SEMA3E: variants seen among roughly 807,000 people sequenced by gnomAD.
SEMA3E encodes the protein semaphorin 3E, also known as semaphorin-3E.
SEMA3E carries 49 observed loss-of-function variants against 93.6 expected under a neutral mutation model. The observed-to-expected ratio is 0.52, with a 90% CI of 0.42 to 0.66. The LOEUF (loss-of-function observed/expected upper bound fraction) is 0.66. Among genes scored for constraint, SEMA3E ranks in the 30% least tolerant of loss-of-function variants. The pLI, the probability that SEMA3E is intolerant of heterozygous loss-of-function variation, is 0.00. For synonymous variants in SEMA3E, 363 were observed against 330.7 expected, an observed-to-expected ratio of 1.10 and a Z score of -1.06; for missense variants, 906 against 964.8, an observed-to-expected ratio of 0.94 and a Z score of 0.81.
chr7:83,523,189 C>A (rs1791084146), intron 1 of SEMA3E, among the ~76,000 whole-genome samples: 1 of 152,040 alleles, frequency 6.6e-6, no homozygotes, highest in Non-Finnish European at 1.5e-5. Context: ...GGTGATTCTG[C>A]CCCTTATTAT....
chr7:83,427,781 A>G (rs1481072476), intron 4 of SEMA3E, among the ~76,000 whole-genome samples: 1 of 152,176 alleles, frequency 6.6e-6, no homozygotes, highest in Non-Finnish European at 1.5e-5. Flanking sequence ...CCATGATGAC[A>G]TTTTCAGTGA....
intron 1 of SEMA3E, among the ~76,000 whole-genome samples, chr7:83,508,020 A>C (rs1479527660): frequency 6.6e-6 from 1 of 152,106 alleles, no homozygotes; most frequent in Non-Finnish European, 1.5e-5. Flanking sequence ...TAGTACTAAA[A>C]ATAATATAAA....
chr7:83,369,001 TAAAGA>T lies in SEMA3E; in HGVS notation c.1876-968_1876-964del, dbSNP rs558491919. Among the ~76,000 whole-genome samples the T allele has an allele frequency of 3.3e-4, 50 of 152,278 alleles. No individual in the cohort carries two copies. In the South Asian group the frequency reaches 8.5e-3, roughly 26 times the overall value. ...TAACCTGAAAAATTGTTGTGAAGATTAAAGAAAATAGGTGAGGATTTTTTGCACAG... is the reference window on the plus strand; with the variant it reads ...TAACCTGAAAAATTGTTGTGAAGATTAAATAGGTGAGGATTTTTTGCACAG... On this transcript the variant is annotated intron_variant, in intron 16 of 16. Coordinates refer to ENST00000643230, the MANE Select transcript of SEMA3E (RefSeq NM_012431.3).
chr7:83,499,261 G>A (rs1198373712), intron 1 of SEMA3E, among the ~76,000 whole-genome samples: 4 of 152,088 alleles, frequency 2.6e-5, no homozygotes, highest in Non-Finnish European at 4.4e-5. Flanking sequence ...TGGAATTACC[G>A]GGTCAAAAGC....
intron 1 of SEMA3E, among the ~76,000 whole-genome samples, chr7:83,633,454 A>G (rs969690201): frequency 1.3e-5 from 2 of 152,230 alleles, no homozygotes; most frequent in Admixed American, 1.3e-4. Flanking sequence ...ATTGGAAAAA[A>G]ATTAGCAATG....
rs559211543 is a variant in SEMA3E, at chr7:83,516,197, A to AT, written c.116-25924dup. 4.0e-3 allele frequency among the ~76,000 whole-genome samples: 615 copies of AT among 152,262 alleles called. 4 individuals carry two copies. The highest frequency in any genetic ancestry group is 0.014 in the African/African-American group (577 of 41,556). The stretch of plus-strand genomic sequence containing the variant: ...AGTTTTATTCATTAATTTAATATGT[A>AT]TTTTTATATACTGGACTAATTTCTG... On this transcript the variant is annotated intron_variant, in intron 1 of 16. Coordinates refer to ENST00000643230, the MANE Select transcript of SEMA3E (RefSeq NM_012431.3).
intron 1 of SEMA3E, among the ~76,000 whole-genome samples, chr7:83,541,174 T>C (rs1222993158): frequency 6.6e-6 from 1 of 152,128 alleles, no homozygotes; most frequent in Non-Finnish European, 1.5e-5. Flanking sequence ...ACTAAGAATA[T>C]AGATGACTTT....
intron 5 of SEMA3E, 50 bp from the exon 6 acceptor site, chr7:83,408,537 A>G: frequency 1.3e-6 from 2 of 1,576,674 alleles, no homozygotes; most frequent in Middle Eastern, 1.7e-4. Context: ...TAATATGTTA[A>G]CAAATTAAAC....
At chr7:83,573,700 C>T (rs940804477) in intron 1 of SEMA3E, among the ~76,000 whole-genome samples, 1 of 151,890 alleles carries the variant, frequency 6.6e-6, no homozygotes, top group Non-Finnish European at 1.5e-5. Flanking sequence ...CCTTGCCTTA[C>T]CTTTTTAGGG....
intron 1 of SEMA3E, among the ~76,000 whole-genome samples, chr7:83,510,445 T>C (rs1211490422): frequency 6.6e-6 from 1 of 152,180 alleles, no homozygotes; most frequent in Non-Finnish European, 1.5e-5. Context: ...TAACACATCA[T>C]CTTTACAGTA....
chr7:83,604,328 T>G (rs1352806639), intron 1 of SEMA3E, among the ~76,000 whole-genome samples: 1 of 151,788 alleles, frequency 6.6e-6, no homozygotes, highest in African/African-American at 2.4e-5. Context: ...TGTCTATAAT[T>G]TGGAAAAAGT....
At chr7:83,494,022 T>C (rs1790439169) in intron 1 of SEMA3E, among the ~76,000 whole-genome samples, 1 of 151,954 alleles carries the variant, frequency 6.6e-6, no homozygotes, top group South Asian at 2.1e-4. Flanking sequence ...CTCTTATTTA[T>C]TCAATATTAA....
In SEMA3E at chr7:83,525,784, G is replaced by GT. The variant is rs35792837; in HGVS notation, c.116-35511dup. Among the ~76,000 whole-genome samples, 400 of 128,538 alleles carry GT rather than the reference G, an allele frequency of 3.1e-3. 1 individual carries two copies. The highest frequency in any genetic ancestry group is 4.2e-3 in the Middle Eastern group (1 of 238). The allele number at this position is 128,538 out of a possible 152,430, so 84.3% of individuals were successfully genotyped here. A position where few individuals can be genotyped will look rare whatever the true frequency, so the allele number is the denominator to read the frequency against. On this transcript the variant is annotated intron_variant, in intron 1 of 16. Transcript: ENST00000643230. ...AGTTCCTTCATTTTTGTTTGTTTGGGTTTTTTTTTTTTTTTTTCGTCTCTA... is the reference window on the plus strand; with the variant it reads ...AGTTCCTTCATTTTTGTTTGTTTGGGTTTTTTTTTTTTTTTTTTCGTCTCTA...
intron 4 of SEMA3E, among the ~76,000 whole-genome samples, chr7:83,463,313 G>C (rs962730942): frequency 3.3e-5 from 5 of 151,284 alleles, no homozygotes; most frequent in Admixed American, 3.3e-4. Flanking sequence ...TGGGTGCAGC[G>C]GCTGCCGCTG....
intron 16 of SEMA3E, among the ~76,000 whole-genome samples, chr7:83,381,788 T>C (rs1216483464): frequency 6.6e-6 from 1 of 152,006 alleles, no homozygotes; most frequent in African/African-American, 2.4e-5. Context: ...TTCCTTGATA[T>C]AGAAGTCATC....
intron 1 of SEMA3E, among the ~76,000 whole-genome samples, chr7:83,570,841 C>T (rs184116402): frequency 3.3e-4 from 49 of 150,056 alleles, no homozygotes; most frequent in African/African-American, 1.2e-3. Flanking sequence ...CAAATAAGTG[C>T]AATCAGAAAT....
intron 5 of SEMA3E, among the ~76,000 whole-genome samples, chr7:83,410,611 T>A (rs1165574911): frequency 6.6e-6 from 1 of 152,066 alleles, no homozygotes; most frequent in East Asian, 1.9e-4. Context: ...TTTGAAGAAG[T>A]AGTATTTTGA....
chr7:83,381,908 G>A (rs1357742512), intron 16 of SEMA3E, among the ~76,000 whole-genome samples: 1 of 151,960 alleles, frequency 6.6e-6, no homozygotes, highest in Non-Finnish European at 1.5e-5. Context: ...TGGCATCAGT[G>A]CTTAGAGTGG....
chr7:83,536,403 T>C (rs2535362), intron 1 of SEMA3E, among the ~76,000 whole-genome samples: 24,649 of 151,998 alleles, frequency 0.16, 2,008 homozygotes, highest in East Asian at 0.21. Flanking sequence ...TACAATTACC[T>C]ATACATTTTA....
Sources: allele counts gnomAD v4.1 joint callset (sites outside exome capture counted in the v4.1 genomes callset), GRCh38; gene constraint gnomAD v4.1.1; transcripts MANE v1.5; gene names NCBI Gene and HGNC (gene_info 2026-07-23, HGNC 2026-07-21).